Variants in GPC3 observed in about 807,000 individuals in gnomAD.
GPC3 encodes glypican 3.
GPC3 carries 3 observed loss-of-function variants against 34.4 expected under a neutral mutation model. The observed-to-expected ratio is 0.09, with a 90% CI of 0.04 to 0.23. The LOEUF is 0.23. Ranked by LOEUF, GPC3 falls within the 10% of genes least tolerant of loss-of-function variation. The probability of loss-of-function intolerance (pLI) is 1.00; values close to 1 mark genes in which losing one functional copy is unlikely to be tolerated. For synonymous variants in GPC3, 177 were observed against 174.0 expected, an observed-to-expected ratio of 1.02 and a Z score of -0.13; for missense variants, 351 against 445.6, an observed-to-expected ratio of 0.79 and a Z score of 1.91.
intron 1 of GPC3, among the ~76,000 whole-genome samples, chrX:133,981,045 A>G (rs1299540295): frequency 4.4e-5 from 5 of 112,590 alleles, no homozygotes; most frequent in Non-Finnish European, 9.4e-5. Context: ...TTATGTCTGT[A>G]TTTCCTAATG....
chrX:133,562,331 A>T (rs756333444), intron 7 of GPC3, among the ~76,000 whole-genome samples: 13 of 111,214 alleles, frequency 1.2e-4, no homozygotes, highest in Non-Finnish European at 2.3e-4. Context: ...TTTTCCCAAG[A>T]TTAAGAATAA....
chrX:133,704,276 T>TAA, intron 3 of GPC3: 1 of 1,035,158 alleles, frequency 9.7e-7, no homozygotes. Context: ...TCAGTTTCCT[T>TAA]GAAAAAAAAA....
intron 2 of GPC3, among the ~76,000 whole-genome samples, chrX:133,947,432 T>C (rs974242281): frequency 1.8e-5 from 2 of 111,672 alleles, no homozygotes; most frequent in Admixed American, 1.9e-4. Context: ...CTAAGCTCTT[T>C]TCATTAAACA....
chrX:133,694,695 T>C (rs1176165028), intron 4 of GPC3, among the ~76,000 whole-genome samples: 1 of 107,735 alleles, frequency 9.3e-6, no homozygotes, highest in African/African-American at 3.4e-5. Context: ...ACACCACACA[T>C]GGCAAGAAAA....
At chrX:133,593,068 G>A (rs766276058) in intron 7 of GPC3, among the ~76,000 whole-genome samples, 2 of 111,260 alleles carry the variant, frequency 1.8e-5, no homozygotes, top group East Asian at 5.7e-4. Flanking sequence ...GCTCATGCCT[G>A]TAATCCCAGC....
chrX:133,876,716 G>C (rs952361373), intron 2 of GPC3, among the ~76,000 whole-genome samples: 3 of 112,011 alleles, frequency 2.7e-5, no homozygotes, highest in African/African-American at 9.7e-5. Context: ...TAGTCCTTTT[G>C]ACAGTATTGT....
chrX:133,915,974 G>A (rs146715190), intron 2 of GPC3, among the ~76,000 whole-genome samples: 1,878 of 109,404 alleles, frequency 0.017, 44 homozygotes, highest in African/African-American at 0.059. Flanking sequence ...GTAAAACCCC[G>A]TCTCTACTAA....
intron 1 of GPC3, among the ~76,000 whole-genome samples, chrX:133,982,815 C>G (rs761746263): frequency 1.8e-4 from 20 of 112,078 alleles, no homozygotes; most frequent in Non-Finnish European, 3.4e-4. Flanking sequence ...AAGCGGTCAT[C>G]ATGATGGTTC....
At chrX:133,825,824 C>T (rs993651244) in intron 2 of GPC3, among the ~76,000 whole-genome samples, 1 of 111,639 alleles carries the variant, frequency 9.0e-6, no homozygotes, top group Non-Finnish European at 1.9e-5. Context: ...TGTCAACTGC[C>T]TAACTGTTGA....
At chrX:133,892,700 G>C (rs1044751798) in intron 2 of GPC3, among the ~76,000 whole-genome samples, 3 of 110,340 alleles carry the variant, frequency 2.7e-5, no homozygotes, top group East Asian at 2.8e-4. Context: ...AAGCTGGAAG[G>C]GGGGTAGATA....
intron 7 of GPC3, among the ~76,000 whole-genome samples, chrX:133,537,554 C>T (rs1354405055): frequency 1.8e-5 from 2 of 111,649 alleles, no homozygotes; most frequent in Admixed American, 1.9e-4. Flanking sequence ...TTAGGGCAGG[C>T]AGCAAGGTCA....
intron 5 of GPC3, among the ~76,000 whole-genome samples, chrX:133,663,784 G>T (rs1372406845): frequency 9.0e-6 from 1 of 111,662 alleles, no homozygotes; most frequent in Non-Finnish European, 1.9e-5. Context: ...CTAAAATAGG[G>T]AGTGAATGAA....
intron 2 of GPC3, among the ~76,000 whole-genome samples, chrX:133,892,149 C>A (rs2124591123): frequency 1.8e-5 from 2 of 111,646 alleles, no homozygotes; most frequent in East Asian, 2.8e-4. Context: ...GTAGTCCTTG[C>A]CTCTGAGGGT....
intron 3 of GPC3, among the ~76,000 whole-genome samples, chrX:133,738,895 G>A (rs771000471): frequency 9.0e-6 from 1 of 111,582 alleles, no homozygotes; most frequent in Non-Finnish European, 1.9e-5. Flanking sequence ...GGCAAAGGCT[G>A]GGCAAATAGA....
At chrX:133,557,301 T>TA (rs1178667431) in intron 7 of GPC3, among the ~76,000 whole-genome samples, 1 of 109,995 alleles carries the variant, frequency 9.1e-6, no homozygotes, top group Non-Finnish European at 1.9e-5. Context: ...CTCAAAAACA[T>TA]AAAAAATAAA....
chrX:133,755,868 C>T (rs533189633), intron 2 of GPC3, among the ~76,000 whole-genome samples: 30 of 112,051 alleles, frequency 2.7e-4, no homozygotes, highest in African/African-American at 9.1e-4. Context: ...ATTATCTAGC[C>T]CAATACAGAG....
intron 2 of GPC3, among the ~76,000 whole-genome samples, chrX:133,794,869 T>C (rs921225460): frequency 1.3e-4 from 15 of 112,512 alleles, no homozygotes; most frequent in African/African-American, 4.2e-4. Context: ...TGTTTTTGTA[T>C]TGGCTCCAAT....
intron 6 of GPC3, among the ~76,000 whole-genome samples, chrX:133,611,319 A>G (rs1036746417): frequency 2.7e-5 from 3 of 110,556 alleles, no homozygotes; most frequent in African/African-American, 9.9e-5. Context: ...CTACCCTCAT[A>G]TAGTCCACAA....
chrX:133,620,496 T>C (rs1328950520), intron 6 of GPC3, among the ~76,000 whole-genome samples: 1 of 110,831 alleles, frequency 9.0e-6, no homozygotes, highest in African/African-American at 3.3e-5. Flanking sequence ...CCATCAAGAA[T>C]GTAAACCAAA....
Sources: gnomAD v4.1 joint callset for allele counts (sites outside exome capture counted in the v4.1 genomes callset) on GRCh38, gnomAD v4.1.1 for gene constraint, MANE v1.5 for transcripts, NCBI Gene and HGNC (gene_info 2026-07-23, HGNC 2026-07-21) for gene names.